The following COL15A1 variants were observed in gnomAD, a reference collection of about 807,000 sequenced individuals.
COL15A1 encodes the protein collagen type XV alpha 1 chain.
Under a neutral mutation model 165.9 loss-of-function variants are expected in COL15A1, and 111 were observed. The ratio of observed to expected loss-of-function variants is 0.67; its 90% CI spans 0.57 to 0.78. The LOEUF (loss-of-function observed/expected upper bound fraction) is 0.78, where lower values mean the gene tolerates loss of function less well. COL15A1 is among the 30% of genes least tolerant of loss of function. The pLI is 0.00. For synonymous variants in COL15A1, 659 were observed against 674.8 expected (o/e 0.98, Z 0.36); for missense variants, 1,745 against 1,789.7 (o/e 0.98, Z 0.45).
Position 99,063,034 on chromosome 9 carries a change from C to T in COL15A1, c.3592-16C>T. ...TGCATATTCAGAACTGTTTCTTTTC[C>T]TCCTTTTCATAACAGCCACATCAGC... On this transcript the variant is annotated splice_polypyrimidine_tract_variant and intron_variant, in intron 38 of 41. Transcript: ENST00000375001. 6.3e-7 allele frequency: 1 copy of T among 1,593,462 alleles called. No individual in the cohort carries two copies. Among genetic ancestry groups the T allele is most frequent in the Admixed American group, 1.8e-5 (1 of 55,306 alleles).
At chr9:99,025,521 A>G (rs1839108786) in intron 15 of COL15A1, among the ~76,000 whole-genome samples, 1 of 152,208 alleles carries the variant, frequency 6.6e-6, no homozygotes, top group South Asian at 2.1e-4. Flanking sequence ...TCAACTTGCA[A>G]TTGGTTTATC....
rs116581694 is a variant in COL15A1 at position 99,033,775 on chromosome 9, C to T, written c.2044-774C>T. Among the ~76,000 whole-genome samples the T allele has an allele frequency of 2.4e-3, 362 of 152,276 alleles. 1 individual carries two copies. The highest frequency in any genetic ancestry group is 8.5e-3 in the African/African-American group (355 of 41,538). ...ATCTCTCTCAGGACCTCCTGTGTGG[C>T]ATGCAATTGCTGACTTCATCTCTTG... On this transcript the variant is annotated intron_variant, in intron 16 of 41. Coordinates refer to ENST00000375001, the MANE Select transcript of COL15A1 (RefSeq NM_001855.5).
In COL15A1 at chr9:99,015,410, A is replaced by C. The variant is rs1000253753; in HGVS notation, c.1354-7A>C. ...GGGCACAGCTCCTCATGCCAATTTC[A>C]TTTCAGGGTCCAAGCAGTGAAGACA... On this transcript the variant is annotated splice_polypyrimidine_tract_variant and splice_region_variant and intron_variant, in intron 9 of 41. Coordinates refer to ENST00000375001, the MANE Select transcript of COL15A1 (RefSeq NM_001855.5). 1 of 1,604,612 alleles carries C rather than the reference A, an allele frequency of 6.2e-7. No homozygotes were observed. The highest frequency in any genetic ancestry group is 1.3e-5 in the African/African-American group (1 of 74,712).
intron 16 of COL15A1, among the ~76,000 whole-genome samples, chr9:99,027,981 G>A (rs931011519): frequency 2.6e-5 from 4 of 152,192 alleles, no homozygotes; most frequent in Admixed American, 1.3e-4. Context: ...AAGATCCAAT[G>A]ATTCGTTTGA....
intron 15 of COL15A1, 59 bp from the exon 16 acceptor site, chr9:99,025,845 C>T (rs534294937): frequency 7.7e-6 from 12 of 1,555,984 alleles, no homozygotes; most frequent in Admixed American, 3.6e-5. Context: ...TTCTAGCAAG[C>T]GTGTGTATGT....
intron 2 of COL15A1, among the ~76,000 whole-genome samples, chr9:98,963,856 G>A (rs564238182): frequency 2.8e-4 from 43 of 152,220 alleles, no homozygotes; most frequent in South Asian, 2.3e-3. Context: ...TGCCCATCCC[G>A]TTCACCCCAA....
chr9:98,954,301 A>G (rs189022405), intron 2 of COL15A1, among the ~76,000 whole-genome samples: 3 of 152,372 alleles, frequency 2.0e-5, no homozygotes, highest in Non-Finnish European at 4.4e-5. Context: ...GTTTAAAAAG[A>G]TCACATATTA....
chr9:98,961,563 C>T (rs995205223), intron 2 of COL15A1, among the ~76,000 whole-genome samples: 1 of 152,292 alleles, frequency 6.6e-6, no homozygotes, highest in Non-Finnish European at 1.5e-5. Context: ...CTGAATGTGG[C>T]TCGAACACGT....
At chr9:99,014,887 T>G in intron 9 of COL15A1, among the ~76,000 whole-genome samples, 1 of 152,170 alleles carries the variant, frequency 6.6e-6, no homozygotes, top group Non-Finnish European at 1.5e-5. Flanking sequence ...ATGATTGCAT[T>G]CTTTTGAGTT....
intron 9 of COL15A1, among the ~76,000 whole-genome samples, chr9:99,009,504 A>G (rs1838814532): frequency 6.6e-6 from 1 of 152,226 alleles, no homozygotes; most frequent in African/African-American, 2.4e-5. Context: ...CAGGGGAATA[A>G]TAGCTCAGAA....
In COL15A1 at chr9:99,042,634, G is replaced by A. The variant is rs758199995; in HGVS notation, c.2574+527G>A. 6.6e-5 allele frequency among the ~76,000 whole-genome samples: 10 copies of A among 152,268 alleles called. No homozygotes were observed. The East Asian group carries it at 1.9e-3, about 29-fold the overall frequency. On this transcript the variant is annotated intron_variant, in intron 24 of 41. Coordinates refer to ENST00000375001, the MANE Select transcript of COL15A1 (RefSeq NM_001855.5). ...ATGGTACTGAATACACTTGTTGGAC[G>A]AAAGCATGTATAATTAATGAGTAGA...
At chr9:98,972,403 T>G (rs1399218045) in intron 2 of COL15A1, among the ~76,000 whole-genome samples, 1 of 152,200 alleles carries the variant, frequency 6.6e-6, no homozygotes, top group Non-Finnish European at 1.5e-5. Flanking sequence ...TGGCTAGGGC[T>G]GCAAACTTCA....
In COL15A1 at chr9:99,059,973, T is replaced by C. The variant is rs772893705; in HGVS notation, c.3402+20T>C. 54 of 1,611,416 alleles carry C rather than the reference T, an allele frequency of 3.4e-5. No individual in the cohort carries two copies. Among genetic ancestry groups the C allele is most frequent in the Middle Eastern group, 1.6e-4 (1 of 6,072 alleles). ...AACCTGGTCAGTATTATCATCAGTGTGTAGTCATCATTCCATTTGGGATAG... is the reference window on the plus strand; with the variant it reads ...AACCTGGTCAGTATTATCATCAGTGCGTAGTCATCATTCCATTTGGGATAG... On this transcript the variant is annotated intron_variant, in intron 36 of 41. Transcript: ENST00000375001.
chr9:99,068,519 G>C, intron 40 of COL15A1, 36 bp from the exon 41 acceptor site: 1 of 830,448 alleles, frequency 1.2e-6, no homozygotes, highest in East Asian at 3.0e-5. Context: ...TAGGCTGATG[G>C]TATAATGATT....
At chr9:98,998,840 C>A (rs1838594744) in intron 6 of COL15A1, among the ~76,000 whole-genome samples, 1 of 152,198 alleles carries the variant, frequency 6.6e-6, no homozygotes, top group African/African-American at 2.4e-5. Context: ...CAGTTGAAAG[C>A]AATGGAGCTA....
chr9:98,950,239 T>G (rs558440187), intron 2 of COL15A1, among the ~76,000 whole-genome samples: 205 of 152,300 alleles, frequency 1.3e-3, no homozygotes, highest in African/African-American at 4.7e-3. Context: ...AATTCTGTGT[T>G]TCAAGTATGA....
At chr9:99,055,919 C>T (rs1025655934) in intron 34 of COL15A1, among the ~76,000 whole-genome samples, 27 of 152,342 alleles carry the variant, frequency 1.8e-4, no homozygotes, top group Non-Finnish European at 2.6e-4. Context: ...AGTTCTGCCT[C>T]TAGCTCTGCA....
At chr9:99,018,571 A>G (rs1374074901) in intron 11 of COL15A1, among the ~76,000 whole-genome samples, 1 of 152,250 alleles carries the variant, frequency 6.6e-6, no homozygotes, top group Non-Finnish European at 1.5e-5. Flanking sequence ...GTTTACAAGG[A>G]TGCTAATCTC....
chr9:99,034,947 G>A lies in COL15A1; in HGVS notation c.2080-67G>A, dbSNP rs1026663590. On this transcript the variant is annotated intron_variant, in intron 17 of 41. Coordinates refer to ENST00000375001, the MANE Select transcript of COL15A1 (RefSeq NM_001855.5). ...TTCAAGGAGTGATTTTCTGATTCAG[G>A]CATGCATGTTGTTCCTTCCATGAGT... 2.3e-5 allele frequency: 30 copies of A among 1,299,982 alleles called. No homozygotes were observed. The Admixed American group carries it at 4.9e-4, about 21-fold the overall frequency. 80.5% of individuals were successfully genotyped at this position (1,299,982 alleles called of 1,614,324 possible).
Sources: gnomAD v4.1 joint callset for allele counts (sites outside exome capture counted in the v4.1 genomes callset) on GRCh38, gnomAD v4.1.1 for gene constraint, MANE v1.5 for transcripts, NCBI Gene and HGNC (gene_info 2026-07-23, HGNC 2026-07-21) for gene names.